The following KDM2A variants were observed in gnomAD, a reference collection of about 807,000 sequenced individuals.
KDM2A encodes the protein lysine demethylase 2A.
KDM2A carries 3 observed loss-of-function variants against 137.3 expected under a neutral mutation model. That is an observed-to-expected ratio of 0.02 (90% CI 0.01 to 0.06). KDM2A has a LOEUF of 0.06. Among genes scored for constraint, KDM2A ranks in the 10% least tolerant of loss-of-function variants. The pLI is 1.00. For missense variants in KDM2A, 738 were observed against 1,510.6 expected, an observed-to-expected ratio of 0.49 and a Z score of 8.48; for synonymous variants, 512 against 541.5, an observed-to-expected ratio of 0.95 and a Z score of 0.76.
intron 5 of KDM2A, among the ~76,000 whole-genome samples, chr11:67,193,088 C>G (rs1355929024): frequency 6.6e-6 from 1 of 152,200 alleles, no homozygotes; most frequent in Non-Finnish European, 1.5e-5. Flanking sequence ...CTCCCAGGTT[C>G]AAGTGATTCT....
chr11:67,235,604 T>TTTTTGTTTTGTTTTG (rs57740370), intron 12 of KDM2A, among the ~76,000 whole-genome samples: 1 of 138,672 alleles, frequency 7.2e-6, no homozygotes, highest in Non-Finnish European at 1.5e-5. Context: ...CCCGGCTGCT[T>TTTTTGTTTTGTTTTG]TTTTGTTTTG....
At chr11:67,233,741 C>T (rs375486785) in intron 12 of KDM2A, among the ~76,000 whole-genome samples, 10 of 149,854 alleles carry the variant, frequency 6.7e-5, no homozygotes, top group Admixed American at 6.0e-4. Flanking sequence ...CAATGGTATA[C>T]CAAAGGAAAA....
chr11:67,238,852 T>G (rs1485503864), intron 12 of KDM2A, among the ~76,000 whole-genome samples: 1 of 152,228 alleles, frequency 6.6e-6, no homozygotes, highest in African/African-American at 2.4e-5. Context: ...AAGTATTTGA[T>G]TCCTACTCAG....
chr11:67,250,887 G>T lies in KDM2A; in HGVS notation c.2768+89G>T. 1.0e-6 allele frequency: 1 copy of T among 1,000,848 alleles called. No individual in the cohort carries two copies. 62.0% of individuals were successfully genotyped at this position (1,000,848 alleles called of 1,614,324 possible). A position where few individuals can be genotyped will look rare whatever the true frequency, so the allele number is the denominator to read the frequency against. On this transcript the variant is annotated intron_variant, in intron 17 of 20. Transcript: ENST00000529006. This position sits in a 1 kb window ranked among gnomAD's most constrained non-coding sequence, Gnocchi z 7.1. ...GAGAACAGCATGCACCTTGGCATCT[G>T]AAAGCCTGTGGGGTCTTATGAGGAG...
chr11:67,232,056 T>G, intron 12 of KDM2A, 96 bp downstream of exon 12: 1 of 1,212,300 alleles, frequency 8.2e-7, no homozygotes, highest in Non-Finnish European at 1.1e-6. Context: ...TTGGGTGATC[T>G]CTGGTTCAGT....
intron 2 of KDM2A, among the ~76,000 whole-genome samples, chr11:67,157,791 C>G (rs1449262488): frequency 6.7e-6 from 1 of 149,976 alleles, no homozygotes; most frequent in Non-Finnish European, 1.5e-5. Context: ...ACATTTGTTA[C>G]AACTGATGAA....
rs1255728387 is a variant in KDM2A at position 67,222,262 on chromosome 11, A to G, written c.957+2859A>G. ...TGTCCCTGATTACTTGAGATTAGGG[A>G]TTGGTGATGACTCTTAACGAGCATG... On this transcript the variant is annotated intron_variant, in intron 10 of 20. Transcript: ENST00000529006. Among the ~76,000 whole-genome samples the G allele has an allele frequency of 3.3e-5, 3 of 90,010 alleles. No homozygotes were observed. The East Asian group carries it at 8.9e-4, about 27-fold the overall frequency. The allele number at this position is 90,010 out of a possible 152,430, so 59.1% of individuals were successfully genotyped here. A position where few individuals can be genotyped will look rare whatever the true frequency, so the allele number is the denominator to read the frequency against.
In KDM2A at chr11:67,207,506, G is replaced by A; in HGVS notation, c.308-4G>A. The A allele has an allele frequency of 6.3e-7, 1 of 1,584,028 alleles. No homozygotes were observed. The highest frequency in any genetic ancestry group is 8.6e-7 in the Non-Finnish European group (1 of 1,160,022). ...AGAGATGATCGATGCATCTTTTATG[G>A]CAGGGAGTCGTCGCATGGTGGATGT... On this transcript the variant is annotated splice_polypyrimidine_tract_variant and splice_region_variant and intron_variant, in intron 5 of 20. Coordinates refer to ENST00000529006, the MANE Select transcript of KDM2A (RefSeq NM_012308.3).
intron 10 of KDM2A, 32 bp from the exon 11 acceptor site, chr11:67,228,005 C>A: frequency 1.3e-6 from 2 of 1,592,840 alleles, no homozygotes; most frequent in Non-Finnish European, 1.7e-6. Context: ...CCTTGAAAAT[C>A]GTCATCTTTT....
Position 67,252,790 on chromosome 11 carries a change from C to T in KDM2A, c.2865C>T (p.Val955=). ...GTGGCATCATCAAGAGGCAGCCAGT[C>T]AGCCTTGACCTCAGTTGGACCAACA... is the stretch of plus-strand genomic sequence containing the variant. ...ALSGIIKRQP[V]SLDLSWTNIS... The change falls in exon 18 of 21, where the codon GTC becomes GTT. Residue 955 remains valine (V), a synonymous_variant. Coordinates refer to ENST00000529006, the MANE Select transcript of KDM2A (RefSeq NM_012308.3). The T allele has an allele frequency of 6.2e-7, 1 of 1,613,978 alleles. No individual in the cohort carries two copies. The highest frequency in any genetic ancestry group is 8.5e-7 in the Non-Finnish European group (1 of 1,179,872).
At chr11:67,144,339 A>G (rs1322520487) in intron 2 of KDM2A, among the ~76,000 whole-genome samples, 1 of 141,272 alleles carries the variant, frequency 7.1e-6, no homozygotes, top group Admixed American at 7.3e-5. Context: ...TGCACCCTCC[A>G]CCTCCTGGGT....
intron 10 of KDM2A, 51 bp downstream of exon 10, chr11:67,219,454 G>T: frequency 1.1e-6 from 1 of 926,898 alleles, no homozygotes. Flanking sequence ...CTCCAGTTAT[G>T]ATAGATGTTA....
chr11:67,154,548 T>C (rs1206480478), intron 2 of KDM2A, among the ~76,000 whole-genome samples: 1 of 152,166 alleles, frequency 6.6e-6, no homozygotes, highest in Non-Finnish European at 1.5e-5. Flanking sequence ...TTCTCCTGCC[T>C]CAGCCTCCTG....
rs79159480 is a variant in KDM2A at position 67,180,638 on chromosome 11, T to A, written c.181+421T>A. Among the ~76,000 whole-genome samples, 432 of 152,188 alleles carry A rather than the reference T, an allele frequency of 2.8e-3. 1 individual carries two copies. Among genetic ancestry groups the A allele is most frequent in the African/African-American group, 9.8e-3 (406 of 41,532 alleles). On this transcript the variant is annotated intron_variant, in intron 3 of 20. Coordinates refer to ENST00000529006, the MANE Select transcript of KDM2A (RefSeq NM_012308.3). ...GGATGTCATATATGTATTGTAGTGG[T>A]CAAAATTAATGTTTTGTTTACTTTT...
chr11:67,184,998 A>C (rs180720172), intron 5 of KDM2A, among the ~76,000 whole-genome samples: 82 of 152,302 alleles, frequency 5.4e-4, no homozygotes, highest in Non-Finnish European at 6.2e-4. Flanking sequence ...CATTCAAAGG[A>C]AAAAAATCAA....
chr11:67,189,456 G>A (rs959887531), intron 5 of KDM2A, among the ~76,000 whole-genome samples: 8 of 152,230 alleles, frequency 5.3e-5, no homozygotes, highest in Non-Finnish European at 1.2e-4. Context: ...GATTGCAGTA[G>A]CATGTGCCTA....
At chr11:67,208,205 T>TAAATTTTA (rs974737136) in intron 6 of KDM2A, among the ~76,000 whole-genome samples, 12 of 151,560 alleles carry the variant, frequency 7.9e-5, no homozygotes, top group Admixed American at 2.6e-4. Context: ...GAAATCATAA[T>TAAATTTTA]AAATTTTAAA....
At chr11:67,164,474 T>C (rs1378998250) in intron 2 of KDM2A, among the ~76,000 whole-genome samples, 1 of 151,910 alleles carries the variant, frequency 6.6e-6, no homozygotes, top group African/African-American at 2.4e-5. Context: ...GCTATTGGCC[T>C]TTTTTTGTTG....
At chr11:67,207,453 C>T (rs751752033) in intron 5 of KDM2A, 57 bp from the exon 6 acceptor site, 46 of 1,272,906 alleles carry the variant, frequency 3.6e-5, no homozygotes, top group Non-Finnish European at 4.7e-5. Flanking sequence ...AATATTCTTA[C>T]TATATTTAAG....
Sources: gnomAD v4.1 joint callset for allele counts (sites outside exome capture counted in the v4.1 genomes callset) on GRCh38, gnomAD v4.1.1 for gene constraint, Gnocchi (gnomAD v3.1) non-coding constraint, MANE v1.5 for transcripts, NCBI Gene and HGNC (gene_info 2026-07-23, HGNC 2026-07-21) for gene names.